Variants in NEO1 observed in about 807,000 individuals in gnomAD.
NEO1 encodes neogenin.
A neutral mutation model predicts 159.7 loss-of-function variants in NEO1; 63 were observed. The ratio of observed to expected loss-of-function variants is 0.39; its 90% CI spans 0.32 to 0.49. NEO1 has a LOEUF of 0.49. NEO1 is among the 20% of genes least tolerant of loss of function. The pLI, the probability that NEO1 is intolerant of heterozygous loss-of-function variation, is 0.85. For synonymous variants in NEO1, 633 were observed against 662.0 expected, an observed-to-expected ratio of 0.96 and a Z score of 0.67; for missense variants, 1,615 against 1,831.0, an observed-to-expected ratio of 0.88 and a Z score of 2.15.
intron 7 of NEO1, among the ~76,000 whole-genome samples, chr15:73,190,475 T>G (rs1164866426): frequency 6.6e-6 from 1 of 152,142 alleles, no homozygotes; most frequent in African/African-American, 2.4e-5. Flanking sequence ...GAATACACAC[T>G]GAGCATCCCC....
intron 1 of NEO1, among the ~76,000 whole-genome samples, chr15:73,059,377 A>G (rs971909801): frequency 6.6e-6 from 1 of 152,216 alleles, no homozygotes; most frequent in African/African-American, 2.4e-5. Context: ...AAGAACCATT[A>G]GAAATAACCT....
chr15:73,097,071 G>A (rs1194311619), intron 1 of NEO1, among the ~76,000 whole-genome samples: 1 of 152,106 alleles, frequency 6.6e-6, no homozygotes, highest in African/African-American at 2.4e-5. Flanking sequence ...GCTGCAGTGA[G>A]TTGTGATCAT....
At chr15:73,259,775 G>C (rs1249633606) in intron 14 of NEO1, among the ~76,000 whole-genome samples, 2 of 152,140 alleles carry the variant, frequency 1.3e-5, no homozygotes, top group African/African-American at 4.8e-5. Flanking sequence ...ATCAACTGTG[G>C]CTCCAAACTT....
At chr15:73,269,939 G>A in intron 16 of NEO1, 71 bp from the exon 17 acceptor site, 1 of 1,209,174 alleles carries the variant, frequency 8.3e-7, no homozygotes, top group Non-Finnish European at 1.2e-6. Context: ...ATATTACCCT[G>A]CATTTCCCTT....
At chr15:73,168,099 G>A (rs1248035142) in intron 5 of NEO1, among the ~76,000 whole-genome samples, 2 of 152,168 alleles carry the variant, frequency 1.3e-5, no homozygotes, top group Non-Finnish European at 2.9e-5. Context: ...AGGCCACTGG[G>A]ATTTCAATAG....
chr15:73,202,699 G>A (rs1768534328), intron 7 of NEO1, among the ~76,000 whole-genome samples: 1 of 152,130 alleles, frequency 6.6e-6, no homozygotes, highest in Non-Finnish European at 1.5e-5. Flanking sequence ...TTGGCATTAA[G>A]TGCATTCATT....
intron 1 of NEO1, among the ~76,000 whole-genome samples, chr15:73,053,924 AC>A (rs1423590910): frequency 1.3e-5 from 2 of 152,260 alleles, no homozygotes; most frequent in Non-Finnish European, 2.9e-5. Flanking sequence ...AGGTAACTTG[AC>A]TGATAAACTT....
intron 4 of NEO1, 87 bp downstream of exon 4, chr15:73,126,657 G>A (rs1337279831): frequency 2.9e-5 from 37 of 1,265,880 alleles, no homozygotes; most frequent in Non-Finnish European, 4.0e-5. Context: ...AATTTAAAAA[G>A]ATTATCAACT....
Position 73,298,352 on chromosome 15 carries a change from C to T in NEO1, c.3906C>T (p.Ser1302=), listed in dbSNP as rs767049052. 8.1e-6 allele frequency: 13 copies of T among 1,613,718 alleles called. No individual in the cohort carries two copies. Among genetic ancestry groups the T allele is most frequent in the African/African-American group, 5.3e-5 (4 of 74,912 alleles). ...ATTTAGACTTTCCTGCTGTAGAATC[C>T]GTTCGAAATACCCCCAGCACTGACA... ...SLSDRANSTE[S]VRNTPSTDTM... The change falls in exon 27 of 29, where the codon TCC becomes TCT. Residue 1302 remains serine, a synonymous_variant. Coordinates refer to ENST00000261908, the MANE Select transcript of NEO1 (RefSeq NM_002499.4).
At chr15:73,131,286 C>T (rs1325409903) in intron 4 of NEO1, among the ~76,000 whole-genome samples, 1 of 152,178 alleles carries the variant, frequency 6.6e-6, no homozygotes, top group Non-Finnish European at 1.5e-5. Flanking sequence ...GTCATCATAG[C>T]ATCACTTCAG....
At chr15:73,195,699 C>A (rs1304526644) in intron 7 of NEO1, among the ~76,000 whole-genome samples, 2 of 152,052 alleles carry the variant, frequency 1.3e-5, no homozygotes, top group Non-Finnish European at 1.5e-5. Context: ...ACATTGTAGA[C>A]CCCAAATGAT....
At position 73,270,320 on chromosome 15, in the gene NEO1, C is replaced by T. The variant is rs1292862992; in HGVS notation, c.2723C>T (p.Ala908Val). 1 of 1,613,936 alleles carries T rather than the reference C, an allele frequency of 6.2e-7. No individual in the cohort carries two copies. Among genetic ancestry groups the T allele is most frequent in the African/African-American group, 1.3e-5 (1 of 75,040 alleles). ...CTCAATTCATGTTTTTTTCAGAATG[C>T]AAATGCAACCACTTTGAGTTATTTG... ...NIPANTKYKN[A>V]NATTLSYLVT... Residue 908 changes from alanine to valine, a missense_variant, in exon 18 of 29, where the codon GCA becomes GTA. Physicochemically the swap from Ala to Val is moderately conservative, Grantham distance 64. Coordinates refer to ENST00000261908, the MANE Select transcript of NEO1 (RefSeq NM_002499.4).
intron 1 of NEO1, among the ~76,000 whole-genome samples, chr15:73,080,780 A>G (rs1298382486): frequency 6.6e-6 from 1 of 152,138 alleles, no homozygotes; most frequent in Non-Finnish European, 1.5e-5. Flanking sequence ...CATGGGCCAG[A>G]AAGAGGCGGG....
At chr15:73,128,815 T>G (rs1471139423) in intron 4 of NEO1, among the ~76,000 whole-genome samples, 1 of 152,240 alleles carries the variant, frequency 6.6e-6, no homozygotes, top group East Asian at 1.9e-4. Context: ...TAGAAAAGTT[T>G]CATATCTTCC....
In NEO1 at chr15:73,187,449, T is replaced by C. The variant is rs567637258; in HGVS notation, c.1291+9022T>C. ...TAAAAAATTTTAAGTGAAACAGACA[T>C]CCACTGATGAGAAATAACTTAGAAT... On this transcript the variant is annotated intron_variant, in intron 7 of 28. Transcript: ENST00000261908. Among the ~76,000 whole-genome samples the C allele has an allele frequency of 5.3e-5, 8 of 152,266 alleles. No homozygotes were observed. In the South Asian group the frequency reaches 1.7e-3, roughly 32 times the overall value.
At chr15:73,053,007 G>T (rs1334568723) in intron 1 of NEO1, among the ~76,000 whole-genome samples, 2 of 151,664 alleles carry the variant, frequency 1.3e-5, no homozygotes, top group Non-Finnish European at 2.9e-5. Context: ...AGGGGCGGCT[G>T]CCGGGGGGCA....
At chr15:73,242,316 T>C (rs1250520898) in intron 8 of NEO1, among the ~76,000 whole-genome samples, 1 of 152,216 alleles carries the variant, frequency 6.6e-6, no homozygotes, top group Non-Finnish European at 1.5e-5. Context: ...TTTTATGTTA[T>C]ATGTATTATA....
chr15:73,249,126 C>G lies in NEO1; in HGVS notation c.1673C>G (p.Thr558Arg), dbSNP rs376506948. 4.3e-6 allele frequency: 7 copies of G among 1,613,856 alleles called. No individual in the cohort carries two copies. Among genetic ancestry groups the G allele is most frequent in the African/African-American group, 4.0e-5 (3 of 74,898 alleles). ...YAASPTSITV[T>R]WETPVSGNGE... ...GCTTCGCCTACCTCCATCACTGTTA[C>G]GTGGGAAACACCAGTGTCTGGCAAT... is the stretch of plus-strand genomic sequence containing the variant. Residue 558 changes from threonine to arginine, a missense_variant, in exon 10 of 29, where the codon ACG becomes AGG. By Grantham distance (71) the Thr-to-Arg change is moderately conservative. Coordinates refer to ENST00000261908, the MANE Select transcript of NEO1 (RefSeq NM_002499.4).
intron 1 of NEO1, among the ~76,000 whole-genome samples, chr15:73,063,507 A>G (rs1043283977): frequency 5.9e-5 from 9 of 152,100 alleles, no homozygotes; most frequent in Non-Finnish European, 1.3e-4. Flanking sequence ...AGATTGTTAA[A>G]TGAGTGAGCT....
Sources: allele counts gnomAD v4.1 joint callset (sites outside exome capture counted in the v4.1 genomes callset), GRCh38; gene constraint gnomAD v4.1.1; transcripts MANE v1.5; gene names NCBI Gene and HGNC (gene_info 2026-07-23, HGNC 2026-07-21).